Variants in PMM2 observed in about 807,000 individuals in gnomAD.
The protein encoded by PMM2 is phosphomannomutase 2, also known as mannose-6-phosphate isomerase.
PMM2 carries 35 observed loss-of-function variants against 33.2 expected under a neutral mutation model. The ratio of observed to expected loss-of-function variants is 1.06; its 90% CI spans 0.81 to 1.40. PMM2 has a LOEUF of 1.40. PMM2 is among the 40% of genes most tolerant of loss of function. The pLI, the probability that PMM2 is intolerant of heterozygous loss-of-function variation, is 0.00. For synonymous variants in PMM2, 153 were observed against 114.7 expected, an observed-to-expected ratio of 1.33 and a Z score of -2.13; for missense variants, 386 against 306.0, an observed-to-expected ratio of 1.26 and a Z score of -1.95.
chr16:8,837,651 G>T (rs1051601364), intron 7 of PMM2, among the ~76,000 whole-genome samples: 2 of 151,882 alleles, frequency 1.3e-5, no homozygotes, highest in African/African-American at 4.8e-5. Flanking sequence ...GATACATGGG[G>T]TTGGGGTACT....
rs35990619 is a variant in PMM2 at position 8,802,832 on chromosome 16, G to GAAA, written c.178+933_178+935dup. On this transcript the variant is annotated intron_variant, in intron 2 of 7. Coordinates refer to ENST00000268261, the MANE Select transcript of PMM2 (RefSeq NM_000303.3). The stretch of plus-strand genomic sequence containing the variant: ...GCAATAAGAACGAAACTCCGTCTTG[G>GAAA]AAAAAAAAAAAAATTATAAGTGGAG... Among the ~76,000 whole-genome samples the GAAA allele has an allele frequency of 4.7e-3, 690 of 147,800 alleles. 10 individuals are homozygous for GAAA. The highest frequency in any genetic ancestry group is 0.016 in the African/African-American group (652 of 40,278).
intron 1 of PMM2, among the ~76,000 whole-genome samples, chr16:8,799,675 G>C (rs963669220): frequency 6.6e-6 from 1 of 152,042 alleles, no homozygotes; most frequent in East Asian, 1.9e-4. Context: ...AGGCAACCAA[G>C]TAGCTGGTGC....
chr16:8,835,235 GAAGGGAGTTGTTGTTTTGT>G (rs890336666), intron 7 of PMM2, among the ~76,000 whole-genome samples: 47 of 151,752 alleles, frequency 3.1e-4, no homozygotes, highest in African/African-American at 9.9e-4. Flanking sequence ...GCCTAGGAAG[GAAGGGAGTTGTTGTTTTGT>G]AAGGGATTGA....
At chr16:8,839,379 G>A (rs1007645786) in intron 7 of PMM2, among the ~76,000 whole-genome samples, 3 of 152,014 alleles carry the variant, frequency 2.0e-5, no homozygotes, top group Non-Finnish European at 4.4e-5. Flanking sequence ...TGTACCTAGA[G>A]TCCTAGGGAT....
In PMM2 at chr16:8,847,762, C is replaced by T. The variant is rs1480238805; in HGVS notation, c.678C>T (p.Thr226=). 3.1e-6 allele frequency: 5 copies of T among 1,614,070 alleles called. No individual in the cohort carries two copies. The South Asian group carries it at 5.5e-5, about 18-fold the overall frequency. The part of the protein sequence containing the change: ...NDHEIFTDPR[T]MGYSVTAPED... Reference sequence around the variant, plus strand: ...ATGAGATCTTCACAGACCCCAGAACCATGGGCTACTCCGTGACAGCGCCTG... The same window carrying T: ...ATGAGATCTTCACAGACCCCAGAACTATGGGCTACTCCGTGACAGCGCCTG... Residue 226 remains threonine (T), a synonymous_variant, in exon 8 of 8, where the codon ACC becomes ACT. Coordinates refer to ENST00000268261, the MANE Select transcript of PMM2 (RefSeq NM_000303.3).
chr16:8,801,720 A>C, intron 1 of PMM2, 79 bp from the exon 2 acceptor site: 1 of 889,704 alleles, frequency 1.1e-6, no homozygotes, highest in Non-Finnish European at 1.8e-6. Context: ...AGACTTATGT[A>C]CTTGTGTTAC....
intron 3 of PMM2, 42 bp from the exon 4 acceptor site, chr16:8,806,274 G>A (rs1330765634): frequency 9.2e-6 from 12 of 1,308,648 alleles, no homozygotes; most frequent in Non-Finnish European, 1.3e-5. Context: ...TTTTGAAAAT[G>A]CTCCTGCTAA....
intron 7 of PMM2, among the ~76,000 whole-genome samples, chr16:8,837,725 C>A (rs531956107): frequency 1.3e-5 from 2 of 152,096 alleles, no homozygotes; most frequent in Non-Finnish European, 2.9e-5. Context: ...GGTGTACTTG[C>A]CTCTCCGCCA....
At chr16:8,820,348 CTTCT>C (rs965440778) in intron 7 of PMM2, among the ~76,000 whole-genome samples, 8 of 131,368 alleles carry the variant, frequency 6.1e-5, no homozygotes, top group Non-Finnish European at 1.1e-4. Context: ...GGACACAGTT[CTTCT>C]TTTTTTTTTT....
At chr16:8,844,558 C>T (rs923313815) in intron 7 of PMM2, among the ~76,000 whole-genome samples, 2 of 152,000 alleles carry the variant, frequency 1.3e-5, no homozygotes, top group African/African-American at 4.8e-5. Context: ...GGTCCTTGCC[C>T]CTTCCTCAGA....
chr16:8,845,370 T>C (rs1192310467), intron 7 of PMM2, among the ~76,000 whole-genome samples: 2 of 152,170 alleles, frequency 1.3e-5, no homozygotes, highest in African/African-American at 4.8e-5. Context: ...ACTTCTTTTG[T>C]GGATCTTTAG....
chr16:8,847,890 C>G lies in PMM2; in HGVS notation c.*65C>G. On this transcript the variant is annotated 3_prime_UTR_variant, in exon 8 of 8. Transcript: ENST00000268261. Reference sequence around the variant, plus strand: ...GCATAGGGCATTCGGTGGCCAGAGCCGAGGGTCCTCCCACACGTGCTCACC... The same window carrying G: ...GCATAGGGCATTCGGTGGCCAGAGCGGAGGGTCCTCCCACACGTGCTCACC... The G allele has an allele frequency of 7.9e-7, 1 of 1,268,804 alleles. No individual in the cohort carries two copies. The highest frequency in any genetic ancestry group is 1.1e-6 in the Non-Finnish European group (1 of 878,690). 78.6% of individuals were successfully genotyped at this position (1,268,804 alleles called of 1,614,324 possible).
intron 7 of PMM2, among the ~76,000 whole-genome samples, chr16:8,844,143 G>C (rs2060908361): frequency 6.6e-6 from 1 of 152,204 alleles, no homozygotes; most frequent in Non-Finnish European, 1.5e-5. Flanking sequence ...CTACTGTCGA[G>C]TTTGTATTGG....
chr16:8,832,963 C>T, intron 7 of PMM2: 1 of 442,382 alleles, frequency 2.3e-6, no homozygotes, highest in Non-Finnish European at 2.7e-6. Flanking sequence ...GATGACTGGT[C>T]TCCCCAGGGC....
At chr16:8,847,072 C>G (rs571265343) in intron 7 of PMM2, among the ~76,000 whole-genome samples, 2 of 152,232 alleles carry the variant, frequency 1.3e-5, no homozygotes, top group African/African-American at 4.8e-5. Context: ...CTGTGTTAGC[C>G]AGGTTGGTCT....
At chr16:8,845,413 G>C (rs2060918788) in intron 7 of PMM2, among the ~76,000 whole-genome samples, 2 of 152,166 alleles carry the variant, frequency 1.3e-5, no homozygotes. Context: ...ACACGTGTAA[G>C]TCATAGGGGA....
intron 3 of PMM2, among the ~76,000 whole-genome samples, chr16:8,805,096 G>A (rs2141019278): frequency 6.6e-6 from 1 of 152,210 alleles, no homozygotes; most frequent in Middle Eastern, 3.4e-3. Context: ...CTGTCACCCA[G>A]GCTGGAGCTG....
intron 3 of PMM2, among the ~76,000 whole-genome samples, chr16:8,805,792 G>A (rs550682415): frequency 1.3e-5 from 2 of 152,134 alleles, no homozygotes; most frequent in South Asian, 4.2e-4. Context: ...GTTTCACCAT[G>A]TTTGCCAGGC....
intron 7 of PMM2, chr16:8,832,539 A>C: frequency 2.0e-6 from 2 of 985,426 alleles, no homozygotes; most frequent in Middle Eastern, 5.2e-4. Flanking sequence ...GGGCAGGCCT[A>C]GCAACTGTCA....
Sources: gnomAD v4.1 joint callset for allele counts (sites outside exome capture counted in the v4.1 genomes callset) on GRCh38, gnomAD v4.1.1 for gene constraint, MANE v1.5 for transcripts, NCBI Gene and HGNC (gene_info 2026-07-23, HGNC 2026-07-21) for gene names.